Variants in NMBR observed in about 807,000 individuals in gnomAD.
NMBR encodes the protein neuromedin-B receptor.
Under a neutral mutation model 20.5 loss-of-function variants are expected in NMBR, and 16 were observed. The ratio of observed to expected loss-of-function variants is 0.78; its 90% CI spans 0.53 to 1.19. The LOEUF (loss-of-function observed/expected upper bound fraction) is 1.19, where lower values mean the gene tolerates loss of function less well. Among genes scored for constraint, NMBR ranks in the 50% most tolerant of loss-of-function variants. The probability of loss-of-function intolerance (pLI) is 0.00; values close to 1 mark genes in which losing one functional copy is unlikely to be tolerated. For synonymous variants in NMBR, 212 were observed against 196.6 expected, an observed-to-expected ratio of 1.08 and a Z score of -0.65; for missense variants, 582 against 499.1, an observed-to-expected ratio of 1.17 and a Z score of -1.58.
chr6:142,105,025 A>G (rs1407844066), intron 1 of NMBR, among the ~76,000 whole-genome samples: 1 of 151,484 alleles, frequency 6.6e-6, no homozygotes, highest in Non-Finnish European at 1.5e-5. Flanking sequence ...ATTACAAAGC[A>G]CCTTCTTAAG....
intron 1 of NMBR, among the ~76,000 whole-genome samples, chr6:142,142,036 T>A (rs1236520394): frequency 6.6e-6 from 1 of 152,286 alleles, no homozygotes; most frequent in African/African-American, 2.4e-5. Context: ...GACATTGTAG[T>A]AAAACCTTGA....
chr6:142,082,072 A>T (rs55905088), intron 2 of NMBR, among the ~76,000 whole-genome samples: 1,908 of 152,286 alleles, frequency 0.013, 40 homozygotes, highest in African/African-American at 0.043. Flanking sequence ...AAAATGGGAT[A>T]TTTTTTACCT....
intron 1 of NMBR, among the ~76,000 whole-genome samples, chr6:142,125,824 A>C (rs530287183): frequency 6.6e-6 from 1 of 151,938 alleles, no homozygotes; most frequent in East Asian, 1.9e-4. Flanking sequence ...AAGCTAATTG[A>C]CATATCCATC....
At position 142,081,986 on chromosome 6, in the gene NMBR, G is replaced by T. The variant is rs139064937; in HGVS notation, c.423-3083C>A. Among the ~76,000 whole-genome samples, 4 of 151,958 alleles carry T rather than the reference G, an allele frequency of 2.6e-5. 1 individual carries two copies. The South Asian group carries it at 8.3e-4, about 32-fold the overall frequency. ...TTCATCAATTCTTATTTTGGATCTCGCTTGTAACATCTGTGTAGTTTAAAT... is the reference window on the plus strand; with the variant it reads ...TTCATCAATTCTTATTTTGGATCTCTCTTGTAACATCTGTGTAGTTTAAAT... On this transcript the variant is annotated intron_variant, in intron 2 of 3. Transcript: ENST00000258042.
chr6:142,135,459 C>A (rs894301499), intron 1 of NMBR, among the ~76,000 whole-genome samples: 3 of 151,954 alleles, frequency 2.0e-5, no homozygotes, highest in Non-Finnish European at 4.4e-5. Context: ...TGAACAATTA[C>A]ATTTTTAAAA....
At chr6:142,133,967 T>C (rs1778197401) in intron 1 of NMBR, 1 of 702,466 alleles carries the variant, frequency 1.4e-6, no homozygotes, top group Non-Finnish European at 2.6e-6. Context: ...GCACTTCATT[T>C]GCGATCCAGA....
intron 1 of NMBR, among the ~76,000 whole-genome samples, chr6:142,091,054 G>T (rs989696143): frequency 2.0e-5 from 3 of 151,902 alleles, no homozygotes; most frequent in African/African-American, 7.3e-5. Flanking sequence ...TTGTAGTGAA[G>T]AATATAATGA....
intron 1 of NMBR, among the ~76,000 whole-genome samples, chr6:142,092,473 A>C (rs188707114): frequency 2.6e-5 from 4 of 152,292 alleles, no homozygotes; most frequent in Non-Finnish European, 5.9e-5. Flanking sequence ...AATATTAAAG[A>C]ATATATATGA....
At chr6:142,105,841 G>A (rs147635758) in intron 1 of NMBR, among the ~76,000 whole-genome samples, 52 of 152,068 alleles carry the variant, frequency 3.4e-4, no homozygotes, top group Non-Finnish European at 6.0e-4. Context: ...TTTTTTAGAA[G>A]GATGGTTCTT....
At chr6:142,136,631 CT>C (rs564542262) in intron 1 of NMBR, among the ~76,000 whole-genome samples, 121 of 152,248 alleles carry the variant, frequency 7.9e-4, no homozygotes, top group African/African-American at 2.8e-3. Flanking sequence ...GGTTTTAGGT[CT>C]AACATTTAAG....
rs770236588 is a variant in NMBR, at chr6:142,088,697, G to A, written c.-39C>T. 6 of 1,558,114 alleles carry A rather than the reference G, an allele frequency of 3.9e-6. No individual in the cohort carries two copies. In the South Asian group the frequency reaches 6.9e-5, roughly 18 times the overall value. On this transcript the variant is annotated 5_prime_UTR_variant, in exon 2 of 4. Transcript: ENST00000258042. ...GCAGAGTCCGCTGGAGTTTTCACGC[G>A]CTCCGGTGCCCTGAGGACTGAACGC...
intron 1 of NMBR, among the ~76,000 whole-genome samples, chr6:142,146,205 T>C (rs1039002256): frequency 6.6e-6 from 1 of 152,118 alleles, no homozygotes; most frequent in Admixed American, 6.6e-5. Context: ...AGGCAACGTA[T>C]GTGGAGTGGG....
chr6:142,133,874 C>A, intron 1 of NMBR: 1 of 698,368 alleles, frequency 1.4e-6, no homozygotes, highest in South Asian at 1.5e-5. Context: ...TGTGATTGGT[C>A]AATTCCACAC....
chr6:142,113,530 G>A (rs1012603900), intron 1 of NMBR, among the ~76,000 whole-genome samples: 1 of 152,024 alleles, frequency 6.6e-6, no homozygotes, highest in Non-Finnish European at 1.5e-5. Context: ...TCACCTTTCT[G>A]TAGGTCTTGA....
intron 1 of NMBR, among the ~76,000 whole-genome samples, chr6:142,131,615 C>G (rs9496281): frequency 2.1e-4 from 32 of 152,270 alleles, no homozygotes; most frequent in African/African-American, 7.5e-4. Flanking sequence ...TAAGCAACAT[C>G]CCTCCTCAGC....
intron 2 of NMBR, among the ~76,000 whole-genome samples, chr6:142,080,484 T>C (rs1196126214): frequency 2.0e-5 from 3 of 151,920 alleles, no homozygotes; most frequent in Admixed American, 2.0e-4. Context: ...CTAATTTTTG[T>C]ATTTTTGTAG....
intron 2 of NMBR, among the ~76,000 whole-genome samples, chr6:142,086,313 A>C (rs1055075492): frequency 6.6e-6 from 1 of 152,162 alleles, no homozygotes; most frequent in African/African-American, 2.4e-5. Flanking sequence ...AAAATTACAC[A>C]AAAAAAGTTA....
At chr6:142,130,577 G>T (rs1778122071) in intron 1 of NMBR, among the ~76,000 whole-genome samples, 2 of 152,070 alleles carry the variant, frequency 1.3e-5, no homozygotes, top group Admixed American at 6.6e-5. Flanking sequence ...CTAAAACTAA[G>T]TATATTAAAT....
chr6:142,134,572 G>A (rs1778211992), intron 1 of NMBR: 3 of 601,694 alleles, frequency 5.0e-6, no homozygotes, highest in Non-Finnish European at 8.8e-6. Flanking sequence ...GGTTCCTGGA[G>A]CTCTTTTCCA....
Sources: gnomAD v4.1 joint callset for allele counts (sites outside exome capture counted in the v4.1 genomes callset) on GRCh38, gnomAD v4.1.1 for gene constraint, MANE v1.5 for transcripts, NCBI Gene and HGNC (gene_info 2026-07-23, HGNC 2026-07-21) for gene names.